The following TNRC6A variants were observed in gnomAD, a reference collection of about 807,000 sequenced individuals.
TNRC6A encodes trinucleotide repeat containing adaptor 6A, also known as trinucleotide repeat-containing gene 6A protein.
In TNRC6A, 44 loss-of-function variants were observed where a neutral mutation model predicts 221.2. That is an observed-to-expected ratio of 0.20 (90% CI 0.16 to 0.26). TNRC6A has a LOEUF of 0.26. Ranked by LOEUF, TNRC6A falls within the 10% of genes least tolerant of loss-of-function variation. The pLI, the probability that TNRC6A is intolerant of heterozygous loss-of-function variation, is 1.00. For missense variants in TNRC6A, 2,199 were observed against 2,404.4 expected (o/e 0.91, Z 1.79); for synonymous variants, 847 against 838.5 (o/e 1.01, Z -0.18).
chr16:24,766,399 C>G (rs1232467880), intron 4 of TNRC6A, among the ~76,000 whole-genome samples: 1 of 152,182 alleles, frequency 6.6e-6, no homozygotes, highest in Non-Finnish European at 1.5e-5. Context: ...TTGCAATATC[C>G]TAGCAACCTT....
intron 2 of TNRC6A, among the ~76,000 whole-genome samples, chr16:24,683,697 G>A (rs1304232334): frequency 6.6e-6 from 1 of 152,152 alleles, no homozygotes; most frequent in Non-Finnish European, 1.5e-5. Context: ...GTGCAACCTT[G>A]GGCAATTTCC....
intron 2 of TNRC6A, among the ~76,000 whole-genome samples, chr16:24,686,281 C>T (rs1204251130): frequency 6.6e-6 from 1 of 152,132 alleles, no homozygotes; most frequent in Non-Finnish European, 1.5e-5. Context: ...ACTTCCCTCA[C>T]GCGAGCCGAG....
chr16:24,768,398 A>G (rs1180587386), intron 4 of TNRC6A, among the ~76,000 whole-genome samples: 1 of 141,882 alleles, frequency 7.0e-6, no homozygotes, highest in Non-Finnish European at 1.5e-5. Context: ...GTGCCACTGC[A>G]CTCTAGCCTG....
intron 2 of TNRC6A, among the ~76,000 whole-genome samples, chr16:24,674,513 T>C (rs947517189): frequency 6.6e-6 from 1 of 152,148 alleles, no homozygotes; most frequent in East Asian, 1.9e-4. Flanking sequence ...CTGGAACTAA[T>C]TGGAAAGAGA....
intron 1 of TNRC6A, among the ~76,000 whole-genome samples, chr16:24,640,665 G>A (rs1385254237): frequency 6.7e-6 from 1 of 150,298 alleles, no homozygotes; most frequent in African/African-American, 2.5e-5. Flanking sequence ...GGAGGCGGAA[G>A]TTGCAGTGAA....
upstream of TNRC6A, among the ~76,000 whole-genome samples, chr16:24,724,750 T>A (rs1404143578): frequency 6.6e-6 from 1 of 152,026 alleles, no homozygotes; most frequent in Non-Finnish European, 1.5e-5. Context: ...TTAAAATAAA[T>A]AATAAATAAA....
chr16:24,782,796 C>A (rs538315802), intron 5 of TNRC6A, among the ~76,000 whole-genome samples: 80 of 152,024 alleles, frequency 5.3e-4, no homozygotes, highest in African/African-American at 1.8e-3. Context: ...GCAGGGAACC[C>A]GGGAGGCAGA....
intron 2 of TNRC6A, chr16:24,670,951 AC>A: frequency 2.6e-6 from 1 of 391,068 alleles, no homozygotes. Flanking sequence ...GGGTACCAGC[AC>A]CCCCAGGCCA....
chr16:24,698,329 A>G (rs565294920), intron 2 of TNRC6A, among the ~76,000 whole-genome samples: 7 of 152,172 alleles, frequency 4.6e-5, no homozygotes, highest in Admixed American at 1.3e-4. Context: ...AGCAATATAC[A>G]TAGGCTGCCT....
chr16:24,704,691 A>AAAAAAAG (rs2056061941), intron 2 of TNRC6A, among the ~76,000 whole-genome samples: 5 of 150,136 alleles, frequency 3.3e-5, no homozygotes, highest in Non-Finnish European at 5.9e-5. Flanking sequence ...AAAAAAAAAA[A>AAAAAAAG]AAAGAAAGAA....
intron 9 of TNRC6A, among the ~76,000 whole-genome samples, chr16:24,797,260 T>G (rs937631078): frequency 6.6e-6 from 1 of 152,140 alleles, no homozygotes; most frequent in Non-Finnish European, 1.5e-5. Flanking sequence ...CTGCTTGCCT[T>G]TAGAGATTTC....
At position 24,823,730 on chromosome 16, in the gene TNRC6A, C is replaced by T. The variant is rs758935935; in HGVS notation, c.5812C>T (p.Arg1938Ter). ...LWGPPSSSDP[R>*]GISSPSPINA... ...GGGTCCCCCAAGCAGCAGCGACCCC[C>T]GAGGAATTAGCAGCCCATCTCCCAT... The change falls in exon 25 of 25, where the codon CGA (arginine) becomes TGA (stop). Residue 1938 changes from arginine (R) to a stop codon, truncating the protein, a stop_gained. Coordinates refer to ENST00000395799, the MANE Select transcript of TNRC6A (RefSeq NM_014494.4). LOFTEE classifies it high-confidence loss of function. The surrounding 1 kb of genome is among the most constrained non-coding windows in gnomAD (Gnocchi z 4.3). 7 of 1,538,104 alleles carry T rather than the reference C, an allele frequency of 4.6e-6. No homozygotes were observed. The highest frequency in any genetic ancestry group is 2.3e-5 in the East Asian group (1 of 42,712).
At chr16:24,708,661 C>G (rs577714383) in intron 2 of TNRC6A, among the ~76,000 whole-genome samples, 88 of 152,176 alleles carry the variant, frequency 5.8e-4, no homozygotes, top group African/African-American at 2.1e-3. Context: ...CCAACCTCCC[C>G]CTTCGAGTCC....
At position 24,729,782 on chromosome 16, in the gene TNRC6A, A is replaced by C; in HGVS notation, c.-60A>C. ...CGGGCCTCTCCCCGCGGCGCTGCGG[A>C]GGGCTTGAGGCTCGCGAGCCTCCTT... On this transcript the variant is annotated 5_prime_UTR_variant, in exon 1 of 25. Coordinates refer to ENST00000395799, the MANE Select transcript of TNRC6A (RefSeq NM_014494.4). 1 of 1,386,604 alleles carries C rather than the reference A, an allele frequency of 7.2e-7. No individual in the cohort carries two copies. The allele number at this position is 1,386,604 out of a possible 1,614,324, so 85.9% of individuals were successfully genotyped here.
intron 2 of TNRC6A, among the ~76,000 whole-genome samples, chr16:24,686,622 CAA>C (rs1359126163): frequency 1.3e-5 from 2 of 152,128 alleles, no homozygotes; most frequent in African/African-American, 4.8e-5. Context: ...GATTAAGCGC[CAA>C]AATGATGTTG....
At chr16:24,753,977 C>T (rs1000402471) in intron 3 of TNRC6A, among the ~76,000 whole-genome samples, 1 of 152,140 alleles carries the variant, frequency 6.6e-6, no homozygotes, top group Non-Finnish European at 1.5e-5. Flanking sequence ...TGTGCCATGA[C>T]TTTATCCTTT....
At chr16:24,732,297 C>G (rs966105412) in intron 2 of TNRC6A, among the ~76,000 whole-genome samples, 2 of 152,204 alleles carry the variant, frequency 1.3e-5, no homozygotes, top group Non-Finnish European at 2.9e-5. Flanking sequence ...CCATAGTGCT[C>G]TCTCCAGGAA....
Position 24,655,071 on chromosome 16 carries a change from C to G in TNRC6A, n.402+14062C>G, listed in dbSNP as rs199606082. 4.0e-4 allele frequency among the ~76,000 whole-genome samples: 61 copies of G among 152,018 alleles called. 1 individual carries two copies. In the East Asian group the frequency reaches 9.5e-3, roughly 24 times the overall value. ...TAGCCCGGGCAACATGACAGAACCC[C>G]ATCGCTACAAAAAATACAAAAATTT... is the stretch of plus-strand genomic sequence containing the variant. On this transcript the variant is annotated intron_variant and non_coding_transcript_variant, in intron 2 of 2. Transcript: ENST00000566108.
At chr16:24,778,224 C>G (rs984238381) in intron 5 of TNRC6A, 4 of 934,304 alleles carry the variant, frequency 4.3e-6, no homozygotes, top group East Asian at 1.2e-4. Flanking sequence ...CTTAATTGCT[C>G]TATGTGCCTG....
Sources: gnomAD v4.1 joint callset for allele counts (sites outside exome capture counted in the v4.1 genomes callset) on GRCh38, gnomAD v4.1.1 for gene constraint, Gnocchi (gnomAD v3.1) non-coding constraint, MANE v1.5 for transcripts, NCBI Gene and HGNC (gene_info 2026-07-23, HGNC 2026-07-21) for gene names.